ZFAND6: variants seen among roughly 807,000 people sequenced by gnomAD.
The protein encoded by ZFAND6 is AN1-type zinc finger protein 6.
A neutral mutation model predicts 24.5 loss-of-function variants in ZFAND6; 12 were observed. The ratio of observed to expected loss-of-function variants is 0.49; its 90% CI spans 0.31 to 0.79. ZFAND6 has a LOEUF of 0.79. ZFAND6 is among the 30% of genes least tolerant of loss of function. ZFAND6 has a pLI of 0.04. For missense variants in ZFAND6, 207 were observed against 245.9 expected (o/e 0.84, Z 1.06); for synonymous variants, 92 against 81.5 (o/e 1.13, Z -0.69).
intron 2 of ZFAND6, among the ~76,000 whole-genome samples, chr15:80,100,402 G>GGAA (rs968227932): frequency 1.2e-4 from 19 of 152,214 alleles, no homozygotes; most frequent in African/African-American, 4.6e-4. Context: ...CACACAATAG[G>GGAA]GAAGAGAGTT....
rs185850611 is a variant in ZFAND6 at position 80,132,674 on chromosome 15, T to C, written c.478+1381T>C. Among the ~76,000 whole-genome samples, 12 of 152,356 alleles carry C rather than the reference T, an allele frequency of 7.9e-5. No homozygotes were observed. In the East Asian group the frequency reaches 2.3e-3, roughly 29 times the overall value. On this transcript the variant is annotated intron_variant, in intron 6 of 6. Coordinates refer to ENST00000261749, the MANE Select transcript of ZFAND6 (RefSeq NM_019006.4). ...CCTACCACAGTAAAAGGTAATCTCT[T>C]GTGGTTCTCATGTATTTTTCATCGT...
intron 1 of ZFAND6, chr15:80,060,674 A>C (rs919994230): frequency 7.9e-5 from 12 of 152,292 alleles, no homozygotes; most frequent in African/African-American, 2.9e-4. Context: ...CTGTAATCCC[A>C]GCACTTTGGG....
At chr15:80,065,430 T>G (rs2036567943) in intron 1 of ZFAND6, among the ~76,000 whole-genome samples, 1 of 152,098 alleles carries the variant, frequency 6.6e-6, no homozygotes, top group Non-Finnish European at 1.5e-5. Context: ...AGTGTGTTTC[T>G]GTTATTGTTT....
chr15:80,112,163 G>A (rs2039641004), intron 2 of ZFAND6, among the ~76,000 whole-genome samples: 1 of 152,062 alleles, frequency 6.6e-6, no homozygotes, highest in South Asian at 2.1e-4. Flanking sequence ...GGGAGGCTGA[G>A]GTAGGAGAAT....
intron 1 of ZFAND6, among the ~76,000 whole-genome samples, chr15:80,085,612 G>A (rs72738469): frequency 0.019 from 2,830 of 152,234 alleles, 35 homozygotes; most frequent in South Asian, 0.028. Context: ...TAACTAGTTA[G>A]CAATAAAAAT....
intron 2 of ZFAND6, among the ~76,000 whole-genome samples, chr15:80,113,210 A>G (rs1596291242): frequency 2.0e-5 from 3 of 152,348 alleles, no homozygotes; most frequent in Middle Eastern, 6.8e-3. Context: ...GTGGTCTTGA[A>G]TTGGAGAGTA....
At position 80,120,423 on chromosome 15, in the gene ZFAND6, A is replaced by G; in HGVS notation, c.79A>G (p.Asn27Asp). Reference sequence around the variant, plus strand: ...TGGATTTTATGGAAACCCTCGTACAAATGGCATGTGTTCAGTATGCTATAA... The same window carrying G: ...TGGATTTTATGGAAACCCTCGTACAGATGGCATGTGTTCAGTATGCTATAA... ...GCGFYGNPRTNGMCSVCYKEH... is the reference protein window; with the variant it reads ...GCGFYGNPRTDGMCSVCYKEH... The change falls in exon 3 of 7, where the codon AAT becomes GAT. Residue 27 changes from asparagine to aspartate, a missense_variant. Asn to Asp is a conservative substitution (Grantham distance 23, BLOSUM62 1). Coordinates refer to ENST00000261749, the MANE Select transcript of ZFAND6 (RefSeq NM_019006.4). 6.2e-7 allele frequency: 1 copy of G among 1,607,590 alleles called. No individual in the cohort carries two copies.
At chr15:80,080,608 T>C (rs2037606576) in intron 1 of ZFAND6, among the ~76,000 whole-genome samples, 1 of 152,178 alleles carries the variant, frequency 6.6e-6, no homozygotes. Context: ...CAGCCGACAA[T>C]GAAATCTTGG....
At chr15:80,103,893 T>C (rs2039168887) in intron 2 of ZFAND6, among the ~76,000 whole-genome samples, 1 of 152,186 alleles carries the variant, frequency 6.6e-6, no homozygotes. Context: ...CTGTCACCTA[T>C]GCAGGGGTGT....
intron 2 of ZFAND6, among the ~76,000 whole-genome samples, chr15:80,115,360 T>C (rs1363186330): frequency 6.6e-6 from 1 of 152,204 alleles, no homozygotes; most frequent in East Asian, 1.9e-4. Flanking sequence ...CTAATCATTT[T>C]TAAAGTATCT....
chr15:80,073,070 T>G (rs2037066061), intron 1 of ZFAND6, among the ~76,000 whole-genome samples: 1 of 151,964 alleles, frequency 6.6e-6, no homozygotes, highest in African/African-American at 2.4e-5. Flanking sequence ...TTTTAGTAAA[T>G]TGAAATGCCA....
intron 2 of ZFAND6, among the ~76,000 whole-genome samples, chr15:80,102,505 G>C (rs1191548630): frequency 6.6e-6 from 1 of 152,198 alleles, no homozygotes; most frequent in Non-Finnish European, 1.5e-5. Flanking sequence ...TCAGATTAAA[G>C]TGAGCCATCT....
intron 6 of ZFAND6, 109 bp downstream of exon 6, chr15:80,131,402 A>G: frequency 1.2e-6 from 1 of 865,578 alleles, no homozygotes; most frequent in Non-Finnish European, 1.7e-6. Flanking sequence ...GAGAGTTAAT[A>G]TTGGATATAC....
intron 5 of ZFAND6, among the ~76,000 whole-genome samples, chr15:80,124,960 G>A (rs59959094): frequency 0.56 from 85,281 of 151,940 alleles, 25,235 homozygotes; most frequent in Non-Finnish European, 0.66. Flanking sequence ...ATATAAACAT[G>A]TATGTTTGTA....
At chr15:80,070,502 A>G (rs761089576) in intron 1 of ZFAND6, among the ~76,000 whole-genome samples, 10 of 152,184 alleles carry the variant, frequency 6.6e-5, no homozygotes, top group Admixed American at 1.3e-4. Flanking sequence ...TAGAAATGAA[A>G]TAAGCTAACT....
intron 2 of ZFAND6, among the ~76,000 whole-genome samples, chr15:80,113,872 C>G (rs996460278): frequency 6.6e-6 from 1 of 151,620 alleles, no homozygotes; most frequent in African/African-American, 2.4e-5. Flanking sequence ...ATTAAGTGCC[C>G]CAAAAGAGTG....
intron 1 of ZFAND6, among the ~76,000 whole-genome samples, chr15:80,082,855 T>G (rs1443296171): frequency 2.0e-5 from 3 of 152,282 alleles, no homozygotes; most frequent in Non-Finnish European, 2.9e-5. Flanking sequence ...TCTTAGAAAT[T>G]TATTATTCAA....
chr15:80,085,841 TG>T (rs1449962662), intron 1 of ZFAND6, among the ~76,000 whole-genome samples: 1 of 152,196 alleles, frequency 6.6e-6, no homozygotes, highest in Non-Finnish European at 1.5e-5. Context: ...GCATATAGAC[TG>T]TGGTCATGTG....
intron 3 of ZFAND6, 42 bp from the exon 4 acceptor site, chr15:80,121,670 G>T (rs755716740): frequency 2.0e-6 from 3 of 1,527,600 alleles, no homozygotes; most frequent in South Asian, 2.2e-5. Context: ...TTAGACTGCT[G>T]AGCATATAGA....
Sources: allele counts gnomAD v4.1 joint callset (sites outside exome capture counted in the v4.1 genomes callset), GRCh38; gene constraint gnomAD v4.1.1; transcripts MANE v1.5; gene names NCBI Gene and HGNC (gene_info 2026-07-23, HGNC 2026-07-21).